NRG3: variants seen among roughly 807,000 people sequenced by gnomAD.
NRG3 encodes the protein neuregulin 3.
A neutral mutation model predicts 66.9 loss-of-function variants in NRG3; 31 were observed. That is an observed-to-expected ratio of 0.46 (90% CI 0.35 to 0.63). The LOEUF (loss-of-function observed/expected upper bound fraction) is 0.63. Ranked by LOEUF, NRG3 falls within the 20% of genes least tolerant of loss-of-function variation. The probability of loss-of-function intolerance (pLI) is 0.00; values close to 1 mark genes in which losing one functional copy is unlikely to be tolerated. For synonymous variants in NRG3, 393 were observed against 359.4 expected (o/e 1.09, Z -1.06); for missense variants, 910 against 878.9 (o/e 1.04, Z -0.45).
In NRG3 at chr10:82,414,081, C is replaced by G. The variant is rs2088335902; in HGVS notation, c.953+55213C>G. Among the ~76,000 whole-genome samples, 4 of 152,074 alleles carry G rather than the reference C, an allele frequency of 2.6e-5. No individual in the cohort carries two copies. The South Asian group carries it at 8.3e-4, about 32-fold the overall frequency. On this transcript the variant is annotated intron_variant, in intron 2 of 8. Coordinates refer to ENST00000372141, the MANE Select transcript of NRG3 (RefSeq NM_001010848.4). ...CTTTTCCTTTGCATTCACAACTTGG[C>G]TCAATGTTTAGCACAAGGAGCCTGG...
In NRG3 at chr10:82,132,447, T is replaced by TTA. The variant is rs1205317625; in HGVS notation, c.824-226282_824-226281dup. ...ATTGAATGCAGTTTGCTAATATCTT[T>TTA]TATATATATATGATATATATGATAT... On this transcript the variant is annotated intron_variant, in intron 1 of 8. Transcript: ENST00000372141. Among the ~76,000 whole-genome samples the TTA allele has an allele frequency of 1.4e-4, 6 of 43,112 alleles. No homozygotes were observed. The South Asian group carries it at 2.2e-3, about 15-fold the overall frequency. The allele number at this position is 43,112 out of a possible 152,430, so 28.3% of individuals were successfully genotyped here.
intron 1 of NRG3, among the ~76,000 whole-genome samples, chr10:82,063,512 C>CTTTTT (rs60251056): frequency 0.14 from 20,756 of 147,384 alleles, 2,364 homozygotes; most frequent in African/African-American, 0.3. Flanking sequence ...AGGAAAAGAT[C>CTTTTT]TTTTTTTTTT....
intron 3 of NRG3, among the ~76,000 whole-genome samples, chr10:82,799,454 A>G (rs2060939570): frequency 6.7e-6 from 1 of 149,456 alleles, no homozygotes; most frequent in Non-Finnish European, 1.5e-5. Flanking sequence ...TGAACCGGGG[A>G]GTCAGAGGTT....
chr10:82,677,975 G>A (rs1223484818), intron 2 of NRG3, among the ~76,000 whole-genome samples: 4 of 152,166 alleles, frequency 2.6e-5, no homozygotes, highest in Admixed American at 1.3e-4. Context: ...TGCACGGTGT[G>A]TTTACTGAAG....
rs535688726 is a variant in NRG3 at position 82,550,415 on chromosome 10, C to T, written c.954-188162C>T. Reference sequence around the variant, plus strand: ...CTATCCATTTTGTCTTACTTCTGCCCGGCCATTTCACTCCACTGACTGGTT... The same window carrying T: ...CTATCCATTTTGTCTTACTTCTGCCTGGCCATTTCACTCCACTGACTGGTT... On this transcript the variant is annotated intron_variant, in intron 2 of 8. Transcript: ENST00000372141. 9.9e-5 allele frequency among the ~76,000 whole-genome samples: 15 copies of T among 152,088 alleles called. No homozygotes were observed. The South Asian group carries it at 2.7e-3, about 27-fold the overall frequency.
At chr10:81,887,364 A>C (rs1842692928) in intron 1 of NRG3, among the ~76,000 whole-genome samples, 1 of 152,156 alleles carries the variant, frequency 6.6e-6, no homozygotes, top group Non-Finnish European at 1.5e-5. Flanking sequence ...GATGTTAGAC[A>C]GTCTTAGTAG....
At chr10:82,190,547 CA>C (rs2074079352) in intron 1 of NRG3, among the ~76,000 whole-genome samples, 1 of 152,120 alleles carries the variant, frequency 6.6e-6, no homozygotes, top group Non-Finnish European at 1.5e-5. Flanking sequence ...TGTATCTGAA[CA>C]GCATTTACTC....
intron 1 of NRG3, among the ~76,000 whole-genome samples, chr10:82,228,301 T>C (rs1385944372): frequency 6.6e-6 from 1 of 152,210 alleles, no homozygotes; most frequent in Non-Finnish European, 1.5e-5. Context: ...AATTTGGGGC[T>C]TTTTGTAAAT....
Position 82,115,890 on chromosome 10 carries a change from A to G in NRG3, c.823+239727A>G, listed in dbSNP as rs151177753. Among the ~76,000 whole-genome samples the G allele has an allele frequency of 2.9e-3, 436 of 152,242 alleles. 2 individuals carry two copies. The highest frequency in any genetic ancestry group is 0.01 in the African/African-American group (418 of 41,554). Reference sequence around the variant, plus strand: ...ATGTTCTGCCTCATACAGAGCATCCAACTCTCCTACATGGATGGAGACTCA... The same window carrying G: ...ATGTTCTGCCTCATACAGAGCATCCGACTCTCCTACATGGATGGAGACTCA... On this transcript the variant is annotated intron_variant, in intron 1 of 8. Coordinates refer to ENST00000372141, the MANE Select transcript of NRG3 (RefSeq NM_001010848.4).
intron 3 of NRG3, among the ~76,000 whole-genome samples, chr10:82,754,023 T>C (rs2058980810): frequency 6.6e-6 from 1 of 152,078 alleles, no homozygotes; most frequent in Non-Finnish European, 1.5e-5. Flanking sequence ...GGAATGTAAT[T>C]ATTTCAGTAT....
chr10:82,911,540 CATA>C (rs1263124423), intron 4 of NRG3, among the ~76,000 whole-genome samples: 1 of 151,672 alleles, frequency 6.6e-6, no homozygotes, highest in Non-Finnish European at 1.5e-5. Context: ...TACACTTGTT[CATA>C]ATATTTATTA....
At chr10:82,516,697 G>A (rs1845694147) in intron 2 of NRG3, among the ~76,000 whole-genome samples, 2 of 152,102 alleles carry the variant, frequency 1.3e-5, no homozygotes, top group Admixed American at 6.6e-5. Flanking sequence ...TTTGTACCAG[G>A]ATAATTCTTT....
intron 4 of NRG3, among the ~76,000 whole-genome samples, chr10:82,910,215 T>C (rs1203317556): frequency 6.6e-6 from 1 of 152,230 alleles, no homozygotes; most frequent in African/African-American, 2.4e-5. Context: ...CTGCTTATCA[T>C]GAAGCAGAAG....
intron 2 of NRG3, among the ~76,000 whole-genome samples, chr10:82,552,169 T>C (rs574528065): frequency 1.6e-4 from 25 of 152,300 alleles, no homozygotes; most frequent in Admixed American, 1.4e-3. Flanking sequence ...ATCCATATTT[T>C]TTTTTACATA....
At chr10:82,713,119 CA>C (rs369968319) in intron 2 of NRG3, among the ~76,000 whole-genome samples, 749 of 55,318 alleles carry the variant, frequency 0.014, no homozygotes, top group African/African-American at 0.048. Flanking sequence ...GACTTCATCT[CA>C]AAAAAAAAAA....
intron 2 of NRG3, among the ~76,000 whole-genome samples, chr10:82,379,910 CAAAAAA>C (rs11423046): frequency 2.5e-5 from 2 of 78,564 alleles, no homozygotes; most frequent in Admixed American, 1.4e-4. Context: ...ATGAACAATC[CAAAAAA>C]AAAAAAAAAG....
rs945598232 is a variant in NRG3, at chr10:82,683,317, C to T, written c.954-55260C>T. ...ATCTTTCCTTTCTTCCTTCCTCCCT[C>T]CCTTCCTCTCTTTTTCTTCCTCTAT... On this transcript the variant is annotated intron_variant, in intron 2 of 8. Coordinates refer to ENST00000372141, the MANE Select transcript of NRG3 (RefSeq NM_001010848.4). Among the ~76,000 whole-genome samples the T allele has an allele frequency of 2.0e-5, 3 of 151,934 alleles. No individual in the cohort carries two copies. The East Asian group carries it at 5.8e-4, about 29-fold the overall frequency.
At chr10:81,943,402 G>C (rs555169427) in intron 1 of NRG3, among the ~76,000 whole-genome samples, 1 of 152,190 alleles carries the variant, frequency 6.6e-6, no homozygotes, top group South Asian at 2.1e-4. Context: ...TAAGTTTTTG[G>C]GTTGTATGTG....
Position 82,898,166 on chromosome 10 carries a change from T to A in NRG3, c.1054+32729T>A, listed in dbSNP as rs145985585. On this transcript the variant is annotated intron_variant, in intron 4 of 8. Coordinates refer to ENST00000372141, the MANE Select transcript of NRG3 (RefSeq NM_001010848.4). ...AAGTTCCACAGCCTCTTGCTCCACATTGGGACAACCCTGAGTCTGTCCACA... is the reference window on the plus strand; with the variant it reads ...AAGTTCCACAGCCTCTTGCTCCACAATGGGACAACCCTGAGTCTGTCCACA... Among the ~76,000 whole-genome samples, 469 of 152,290 alleles carry A rather than the reference T, an allele frequency of 3.1e-3. 8 individuals carry two copies. The highest frequency in any genetic ancestry group is 0.01 in the African/African-American group (417 of 41,580).
Sources: gnomAD v4.1 joint callset for allele counts (sites outside exome capture counted in the v4.1 genomes callset) on GRCh38, gnomAD v4.1.1 for gene constraint, MANE v1.5 for transcripts, NCBI Gene and HGNC (gene_info 2026-07-23, HGNC 2026-07-21) for gene names.